LRRC4C: variants seen among roughly 807,000 people sequenced by gnomAD.
LRRC4C encodes leucine-rich repeat-containing protein 4C.
In LRRC4C, 5 loss-of-function variants were observed where a neutral mutation model predicts 33.6. The observed-to-expected ratio is 0.15, with a 90% confidence interval of 0.08 to 0.31. The LOEUF (loss-of-function observed/expected upper bound fraction) is 0.31. Ranked by LOEUF, LRRC4C falls within the 10% of genes least tolerant of loss-of-function variation. LRRC4C has a pLI of 1.00. For synonymous variants in LRRC4C, 329 were observed against 302.0 expected, an observed-to-expected ratio of 1.09 and a Z score of -0.93; for missense variants, 560 against 796.7, an observed-to-expected ratio of 0.70 and a Z score of 3.58.
chr11:41,104,662 A>C lies in LRRC4C; in HGVS notation c.-495-170939T>G, dbSNP rs943332951. ...ATGTCCACACAAAGACTTGTATATA[A>C]ATGTTCGTGGCAACAGTATTTATAA... On this transcript the variant is annotated intron_variant, in intron 1 of 6. Transcript: ENST00000528697. Among the ~76,000 whole-genome samples the C allele has an allele frequency of 1.3e-4, 19 of 151,930 alleles. No individual in the cohort carries two copies. The East Asian group carries it at 3.7e-3, about 29-fold the overall frequency.
chr11:41,208,349 T>C (rs1352501092), intron 1 of LRRC4C, among the ~76,000 whole-genome samples: 2 of 152,182 alleles, frequency 1.3e-5, no homozygotes, highest in African/African-American at 4.8e-5. Context: ...CGGAAAGAGA[T>C]AGATTGAAGA....
At chr11:40,350,630 G>A (rs1245010209) in intron 3 of LRRC4C, among the ~76,000 whole-genome samples, 1 of 151,932 alleles carries the variant, frequency 6.6e-6, no homozygotes, top group Admixed American at 6.6e-5. Flanking sequence ...TCTATGAAGA[G>A]TGCCATTGGT....
intron 1 of LRRC4C, among the ~76,000 whole-genome samples, chr11:41,256,772 A>G (rs941841957): frequency 1.3e-5 from 2 of 152,062 alleles, no homozygotes; most frequent in African/African-American, 4.8e-5. Flanking sequence ...ATTTAAGGCC[A>G]TAGACCATAA....
intron 2 of LRRC4C, among the ~76,000 whole-genome samples, chr11:40,718,560 C>T (rs539891119): frequency 6.6e-6 from 1 of 152,186 alleles, no homozygotes; most frequent in East Asian, 1.9e-4. Flanking sequence ...GGTCACCTGC[C>T]AGTTATGTAT....
At chr11:40,613,330 C>A in intron 3 of LRRC4C, among the ~76,000 whole-genome samples, 1 of 151,918 alleles carries the variant, frequency 6.6e-6, no homozygotes, top group South Asian at 2.1e-4. Context: ...GTTGTCATTT[C>A]GACAATGTTC....
intron 1 of LRRC4C, among the ~76,000 whole-genome samples, chr11:41,424,697 C>A (rs1954979968): frequency 6.6e-6 from 1 of 151,904 alleles, no homozygotes. Context: ...AATTTATGTG[C>A]TTAGAGGTTA....
chr11:40,516,548 G>T (rs1215426283), intron 3 of LRRC4C, among the ~76,000 whole-genome samples: 1 of 152,080 alleles, frequency 6.6e-6, no homozygotes, highest in African/African-American at 2.4e-5. Flanking sequence ...TTCTAAAGAA[G>T]GAGATGGTAG....
chr11:41,143,648 G>A (rs577296571), intron 1 of LRRC4C, among the ~76,000 whole-genome samples: 4 of 152,238 alleles, frequency 2.6e-5, no homozygotes, highest in South Asian at 2.1e-4. Flanking sequence ...AATGGTTCTC[G>A]ATCCTAGCTA....
intron 1 of LRRC4C, among the ~76,000 whole-genome samples, chr11:41,070,564 T>C (rs987746501): frequency 2.0e-5 from 3 of 151,790 alleles, no homozygotes; most frequent in East Asian, 1.9e-4. Flanking sequence ...CTTAAACAAA[T>C]GTACAATAAC....
At chr11:41,111,802 A>G (rs1257042144) in intron 1 of LRRC4C, among the ~76,000 whole-genome samples, 2 of 152,032 alleles carry the variant, frequency 1.3e-5, no homozygotes, top group Non-Finnish European at 2.9e-5. Flanking sequence ...TGGTGGTACC[A>G]ACTAGCTCAT....
chr11:41,346,801 T>A (rs186682817), intron 1 of LRRC4C, among the ~76,000 whole-genome samples: 3 of 152,196 alleles, frequency 2.0e-5, no homozygotes, highest in Non-Finnish European at 2.9e-5. Flanking sequence ...ATTCATCTTA[T>A]ACTGATTGAC....
chr11:40,650,295 CAG>C (rs950761104), intron 2 of LRRC4C, among the ~76,000 whole-genome samples: 5 of 152,098 alleles, frequency 3.3e-5, no homozygotes, highest in Non-Finnish European at 5.9e-5. Flanking sequence ...CTTTAAAAAA[CAG>C]GAAAATTTCC....
chr11:40,459,035 T>C (rs1011355268), intron 3 of LRRC4C, among the ~76,000 whole-genome samples: 3 of 152,142 alleles, frequency 2.0e-5, no homozygotes, highest in Non-Finnish European at 4.4e-5. Context: ...CACACATACA[T>C]GCATACACAT....
intron 1 of LRRC4C, among the ~76,000 whole-genome samples, chr11:40,985,856 C>T (rs1852950902): frequency 6.6e-6 from 1 of 152,050 alleles, no homozygotes; most frequent in Non-Finnish European, 1.5e-5. Context: ...CATTGTGTCA[C>T]TTAAATATTT....
At chr11:40,965,932 G>A (rs552002127) in intron 1 of LRRC4C, among the ~76,000 whole-genome samples, 8 of 152,146 alleles carry the variant, frequency 5.3e-5, no homozygotes, top group East Asian at 3.9e-4. Context: ...TGATGGGGAT[G>A]TCCTTGAATC....
chr11:41,023,492 A>G (rs549108757), intron 1 of LRRC4C, among the ~76,000 whole-genome samples: 3 of 151,970 alleles, frequency 2.0e-5, no homozygotes, highest in Non-Finnish European at 2.9e-5. Flanking sequence ...TAACAATTAA[A>G]TGACATATGC....
intron 2 of LRRC4C, among the ~76,000 whole-genome samples, chr11:40,805,141 C>T (rs1951190513): frequency 6.6e-6 from 1 of 152,168 alleles, no homozygotes; most frequent in African/African-American, 2.4e-5. Flanking sequence ...TACTATGTCC[C>T]AGAAATTGAA....
At chr11:41,158,855 C>T (rs1374403235) in intron 1 of LRRC4C, among the ~76,000 whole-genome samples, 3 of 152,070 alleles carry the variant, frequency 2.0e-5, no homozygotes, top group East Asian at 1.9e-4. Flanking sequence ...ATAGCACAAA[C>T]AAAAGATTTT....
At chr11:41,063,442 A>T (rs1435905038) in intron 1 of LRRC4C, among the ~76,000 whole-genome samples, 1 of 152,186 alleles carries the variant, frequency 6.6e-6, no homozygotes, top group African/African-American at 2.4e-5. Context: ...AGGCAAATAA[A>T]GTATATAAGA....
Sources: allele counts gnomAD v4.1 joint callset (sites outside exome capture counted in the v4.1 genomes callset), GRCh38; gene constraint gnomAD v4.1.1; transcripts MANE v1.5; gene names NCBI Gene and HGNC (gene_info 2026-07-23, HGNC 2026-07-21).